GMPS: variants seen among roughly 807,000 people sequenced by gnomAD.
The protein encoded by GMPS is GMP synthase [glutamine-hydrolyzing].
In GMPS, 15 loss-of-function variants were observed where a neutral mutation model predicts 77.9. That is an observed-to-expected ratio of 0.19 (90% CI 0.13 to 0.30). GMPS has a LOEUF of 0.30. Among genes scored for constraint, GMPS ranks in the 10% least tolerant of loss-of-function variants. The probability of loss-of-function intolerance (pLI) is 1.00; values close to 1 mark genes in which losing one functional copy is unlikely to be tolerated. For synonymous variants in GMPS, 224 were observed against 275.9 expected (o/e 0.81, Z 1.86); for missense variants, 590 against 838.8 (o/e 0.70, Z 3.66).
chr3:155,916,977 A>ATTTT (rs35954197), intron 9 of GMPS, among the ~76,000 whole-genome samples: 1 of 144,094 alleles, frequency 6.9e-6, no homozygotes, highest in Non-Finnish European at 1.5e-5. Flanking sequence ...CTTAACTCTG[A>ATTTT]TTTTTTTTTT....
At chr3:155,924,621 GA>G (rs1755404971) in intron 11 of GMPS, among the ~76,000 whole-genome samples, 1 of 152,162 alleles carries the variant, frequency 6.6e-6, no homozygotes, top group African/African-American at 2.4e-5. Flanking sequence ...AAGACAGCAA[GA>G]AAGGAGTAAG....
chr3:155,920,513 T>TACACCACAGTGAGGTGAGGAG (rs1755291759), intron 10 of GMPS, among the ~76,000 whole-genome samples: 3 of 148,192 alleles, frequency 2.0e-5, no homozygotes, highest in Non-Finnish European at 4.4e-5. Flanking sequence ...AGGCAGAGGT[T>TACACCACAGTGAGGTGAGGAG]GCAGTGAGAC....
chr3:155,919,032 C>G (rs959814237), intron 9 of GMPS, among the ~76,000 whole-genome samples: 2 of 152,132 alleles, frequency 1.3e-5, no homozygotes, highest in African/African-American at 4.8e-5. Context: ...AAATGTGCTT[C>G]AAAGAGAAAT....
Position 155,931,828 on chromosome 3 carries a change from T to G in GMPS, c.1624T>G (p.Ser542Ala). The change falls in exon 13 of 16, where the codon TCA (serine) becomes GCA (alanine). Residue 542 changes from serine to alanine, a missense_variant. Physicochemically the swap from Ser to Ala is moderately conservative, Grantham distance 99 (BLOSUM62 1). Around this residue, in one of 6 missense-constraint regions of GMPS, gnomAD observed 89 missense variants for 95.9 expected, o/e 0.93. Coordinates refer to ENST00000496455, the MANE Select transcript of GMPS (RefSeq NM_003875.3). ...CAGTAAAGATGAACCTGACTGGGAATCACTTATTTTTCTGGCTAGGCTTAT... is the reference window on the plus strand; with the variant it reads ...CAGTAAAGATGAACCTGACTGGGAAGCACTTATTTTTCTGGCTAGGCTTAT... Reference protein sequence around the residue: ...ISSKDEPDWESLIFLARLIPR... With the variant: ...ISSKDEPDWEALIFLARLIPR... 1 of 1,601,310 alleles carries G rather than the reference T, an allele frequency of 6.2e-7. No homozygotes were observed. The highest frequency in any genetic ancestry group is 8.6e-7 in the Non-Finnish European group (1 of 1,168,616).
At chr3:155,927,759 A>G (rs1325655743) in intron 12 of GMPS, among the ~76,000 whole-genome samples, 1 of 152,194 alleles carries the variant, frequency 6.6e-6, no homozygotes, top group African/African-American at 2.4e-5. Flanking sequence ...GAAACACTTT[A>G]AAAAGAAAAT....
At chr3:155,903,778 A>C in intron 3 of GMPS, 85 bp from the exon 4 acceptor site, 1 of 582,260 alleles carries the variant, frequency 1.7e-6, no homozygotes, top group Non-Finnish European at 3.0e-6. Flanking sequence ...TTCTGAAAAG[A>C]AATAATATAA....
intron 1 of GMPS, among the ~76,000 whole-genome samples, chr3:155,879,265 CTTTTTTTTTT>C (rs370727242): frequency 2.4e-5 from 3 of 122,654 alleles, no homozygotes; most frequent in Admixed American, 1.9e-4. Context: ...CTGCACTTGT[CTTTTTTTTTT>C]TTTTTTTTTT....
rs199726862 is a variant in GMPS at position 155,927,014 on chromosome 3, T to TAAAA, written c.1560+1660_1560+1663dup. ...GGGCAACAAGAGTGAAACTCCTTCT[T>TAAAA]AAAAAAAAAAAAAAATTGATTGTTA... On this transcript the variant is annotated intron_variant, in intron 12 of 15. Coordinates refer to ENST00000496455, the MANE Select transcript of GMPS (RefSeq NM_003875.3). 2.1e-5 allele frequency among the ~76,000 whole-genome samples: 3 copies of TAAAA among 143,224 alleles called. No individual in the cohort carries two copies. In the East Asian group the frequency reaches 6.0e-4, roughly 29 times the overall value. The allele number at this position is 143,224 out of a possible 152,430, so 94.0% of individuals were successfully genotyped here. A position where few individuals can be genotyped will look rare whatever the true frequency, so the allele number is the denominator to read the frequency against.
chr3:155,915,313 C>T (rs1003000394), intron 8 of GMPS, among the ~76,000 whole-genome samples: 1 of 150,112 alleles, frequency 6.7e-6, no homozygotes, highest in Admixed American at 6.7e-5. Context: ...TCTTGGCTCA[C>T]GGCAACTTTC....
rs1296879108 is a variant in GMPS at position 155,939,940 on chromosome 3, A to C, written c.*2248A>C. 2 of 202,294 alleles carry C rather than the reference A, an allele frequency of 9.9e-6. No homozygotes were observed. Among genetic ancestry groups the C allele is most frequent in the African/African-American group, 2.3e-5 (1 of 43,708 alleles). 12.5% of individuals were successfully genotyped at this position (202,294 alleles called of 1,614,324 possible). A position where few individuals can be genotyped will look rare whatever the true frequency, so the allele number is the denominator to read the frequency against. ...AGCTCACCTTAGGCATGGTTACTTAATTAATTTCAGAATTAAATTTCAGGT... is the reference window on the plus strand; with the variant it reads ...AGCTCACCTTAGGCATGGTTACTTACTTAATTTCAGAATTAAATTTCAGGT... On this transcript the variant is annotated 3_prime_UTR_variant, in exon 16 of 16. Coordinates refer to ENST00000496455, the MANE Select transcript of GMPS (RefSeq NM_003875.3).
At chr3:155,886,568 CAA>C (rs371278045) in intron 1 of GMPS, among the ~76,000 whole-genome samples, 22 of 44,154 alleles carry the variant, frequency 5.0e-4, no homozygotes, top group South Asian at 9.4e-4. Flanking sequence ...GAGTCCATCT[CAA>C]AAAAAAAAAA....
At chr3:155,934,270 G>A (rs1349764589) in intron 13 of GMPS, among the ~76,000 whole-genome samples, 1 of 152,166 alleles carries the variant, frequency 6.6e-6, no homozygotes, top group East Asian at 1.9e-4. Flanking sequence ...CAAACTAGGA[G>A]GCTTAAAACA....
intron 11 of GMPS, among the ~76,000 whole-genome samples, chr3:155,922,907 A>T (rs1289467828): frequency 6.6e-6 from 1 of 152,200 alleles, no homozygotes; most frequent in African/African-American, 2.4e-5. Flanking sequence ...GGTAGTGCTT[A>T]TGGGAGTTAG....
chr3:155,916,415 T>C (rs1755181311), intron 9 of GMPS, among the ~76,000 whole-genome samples: 1 of 151,700 alleles, frequency 6.6e-6, no homozygotes, highest in Non-Finnish European at 1.5e-5. Context: ...GCTCCTCCTT[T>C]CCTCCTTTCT....
intron 2 of GMPS, among the ~76,000 whole-genome samples, chr3:155,894,266 C>T (rs1030083543): frequency 6.6e-6 from 1 of 152,150 alleles, no homozygotes; most frequent in Non-Finnish European, 1.5e-5. Context: ...CTTGGTTACC[C>T]AGGCTGAAGT....
chr3:155,901,516 G>A (rs1194756072), intron 3 of GMPS, among the ~76,000 whole-genome samples: 1 of 151,970 alleles, frequency 6.6e-6, no homozygotes, highest in Non-Finnish European at 1.5e-5. Flanking sequence ...AGGGTAACTG[G>A]CCGTAGGAAT....
At chr3:155,907,567 C>T (rs1754925880) in intron 5 of GMPS, among the ~76,000 whole-genome samples, 2 of 152,092 alleles carry the variant, frequency 1.3e-5, no homozygotes, top group South Asian at 4.1e-4. Context: ...CCATCCTGGG[C>T]AACAGAGCAA....
chr3:155,931,807 A>G lies in GMPS; in HGVS notation c.1603A>G (p.Lys535Glu), dbSNP rs755510526. 6.3e-7 allele frequency: 1 copy of G among 1,591,592 alleles called. No homozygotes were observed. Among genetic ancestry groups the G allele is most frequent in the African/African-American group, 1.3e-5 (1 of 74,584 alleles). ...CAGTTACGTGTGTGGAATCTCCAGT[A>G]AAGATGAACCTGACTGGGAATCACT... is the stretch of plus-strand genomic sequence containing the variant. ...SYSYVCGISS[K>E]DEPDWESLIF... The change falls in exon 13 of 16, where the codon AAA becomes GAA. Residue 535 changes from lysine (K) to glutamate (E), a missense_variant. Around this residue, in one of 6 missense-constraint regions of GMPS, gnomAD observed 89 missense variants for 95.9 expected, o/e 0.93. Coordinates refer to ENST00000496455, the MANE Select transcript of GMPS (RefSeq NM_003875.3).
rs189836006 is a variant in GMPS, at chr3:155,943,746, C to T, written c.*6054C>T. On this transcript the variant is annotated 3_prime_UTR_variant, in exon 16 of 16. Coordinates refer to ENST00000496455, the MANE Select transcript of GMPS (RefSeq NM_003875.3). ...GGAAATGATGATTTACACAATTTGT[C>T]ATGAAGCTTCCGTGTTTATGAGAAA... 2.0e-4 allele frequency: 33 copies of T among 161,812 alleles called. No homozygotes were observed. The East Asian group carries it at 4.2e-3, about 21-fold the overall frequency. 10.0% of individuals were successfully genotyped at this position (161,812 alleles called of 1,614,324 possible). A position where few individuals can be genotyped will look rare whatever the true frequency, so the allele number is the denominator to read the frequency against.
Sources: gnomAD v4.1 joint callset for allele counts (sites outside exome capture counted in the v4.1 genomes callset) on GRCh38, gnomAD v4.1.1 for gene constraint, gnomAD v4.1.1 regional missense constraint, MANE v1.5 for transcripts, NCBI Gene and HGNC (gene_info 2026-07-23, HGNC 2026-07-21) for gene names.